MID1: variants seen among roughly 807,000 people sequenced by gnomAD.
The protein encoded by MID1 is midline 1.
MID1 carries 7 observed loss-of-function variants against 40.4 expected under a neutral mutation model. The ratio of observed to expected loss-of-function variants is 0.17; its 90% CI spans 0.10 to 0.33. The LOEUF (loss-of-function observed/expected upper bound fraction) is 0.33, where lower values mean the gene tolerates loss of function less well. Ranked by LOEUF, MID1 falls within the 10% of genes least tolerant of loss-of-function variation. The pLI, the probability that MID1 is intolerant of heterozygous loss-of-function variation, is 1.00. For synonymous variants in MID1, 229 were observed against 221.2 expected (o/e 1.04, Z -0.31); for missense variants, 367 against 558.5 (o/e 0.66, Z 3.46).
At chrX:10,825,220 C>T (rs780134741) in intron 1 of MID1, among the ~76,000 whole-genome samples, 17 of 111,751 alleles carry the variant, frequency 1.5e-4, no homozygotes, top group Non-Finnish European at 2.4e-4. Flanking sequence ...TTGGTAATGA[C>T]TTAGATCCTA....
intron 1 of MID1, among the ~76,000 whole-genome samples, chrX:10,790,836 A>C (rs1227109360): frequency 8.9e-6 from 1 of 112,157 alleles, no homozygotes; most frequent in Admixed American, 9.5e-5. Flanking sequence ...ATTCTTCCAC[A>C]ACACCAAATC....
At position 10,446,398 on chromosome X, in the gene MID1, G is replaced by C. The variant is rs1214132996; in HGVS notation, c.*2970C>G. The C allele has an allele frequency of 8.9e-6, 1 of 111,821 alleles. No homozygotes were observed. The highest frequency in any genetic ancestry group is 3.3e-5 in the African/African-American group (1 of 30,741). 9.2% of individuals were successfully genotyped at this position (111,821 alleles called of 1,213,427 possible). A position where few individuals can be genotyped will look rare whatever the true frequency, so the allele number is the denominator to read the frequency against. The stretch of plus-strand genomic sequence containing the variant: ...AGTTTAAGGTCAATATATCAGTACC[G>C]TAATAAAAAAGCCTGTCTGTATTCA... On this transcript the variant is annotated 3_prime_UTR_variant, in exon 10 of 10. Transcript: ENST00000317552.
At chrX:10,533,905 C>T (rs771967068) in intron 2 of MID1, among the ~76,000 whole-genome samples, 1 of 111,509 alleles carries the variant, frequency 9.0e-6, no homozygotes, top group East Asian at 2.8e-4. Flanking sequence ...TTAGTTCCTA[C>T]CACTCTGCAA....
At chrX:10,573,583 T>A (rs772594362) in intron 1 of MID1, among the ~76,000 whole-genome samples, 36 of 111,633 alleles carry the variant, frequency 3.2e-4, no homozygotes, top group Admixed American at 9.5e-4. Flanking sequence ...TCAACATGAG[T>A]TTTGGTGGGG....
At chrX:10,577,007 C>G (rs999037942) in intron 1 of MID1, 1 of 111,324 alleles carries the variant, frequency 9.0e-6, no homozygotes, top group Non-Finnish European at 1.9e-5. Context: ...CAGGGTTGCC[C>G]GAGTTGAAGA....
intron 2 of MID1, among the ~76,000 whole-genome samples, chrX:10,545,164 G>A (rs1032166129): frequency 9.0e-6 from 1 of 111,138 alleles, no homozygotes; most frequent in African/African-American, 3.3e-5. Context: ...GTTTCCCCAC[G>A]TTGACCAGGC....
chrX:10,754,480 C>T (rs1315953578), intron 1 of MID1, among the ~76,000 whole-genome samples: 2 of 110,409 alleles, frequency 1.8e-5, no homozygotes, highest in Non-Finnish European at 3.8e-5. Context: ...TTGTAAATAA[C>T]CTTAACATAA....
intron 1 of MID1, among the ~76,000 whole-genome samples, chrX:10,716,422 T>C (rs143802461): frequency 0.019 from 2,158 of 111,651 alleles, 50 homozygotes; most frequent in African/African-American, 0.067. Flanking sequence ...GCTGATTTGA[T>C]CAACTGGAAG....
intron 1 of MID1, among the ~76,000 whole-genome samples, chrX:10,673,258 T>C (rs1226019538): frequency 9.0e-6 from 1 of 111,497 alleles, no homozygotes. Flanking sequence ...GCTCACCTGC[T>C]GGGGGCAGAA....
chrX:10,585,117 T>A (rs894380113), intron 1 of MID1, among the ~76,000 whole-genome samples: 1 of 111,598 alleles, frequency 9.0e-6, no homozygotes, highest in African/African-American at 3.3e-5. Context: ...GAATTTTAAC[T>A]ACCAGGCTTG....
chrX:10,631,238 C>A (rs1267574671), intron 1 of MID1, among the ~76,000 whole-genome samples: 1 of 111,593 alleles, frequency 9.0e-6, no homozygotes, highest in African/African-American at 3.3e-5. Flanking sequence ...TGCTTAATAT[C>A]CCTCAAAGTT....
At chrX:10,548,118 T>C (rs1029969840) in intron 2 of MID1, among the ~76,000 whole-genome samples, 1 of 112,010 alleles carries the variant, frequency 8.9e-6, no homozygotes, top group African/African-American at 3.2e-5. Context: ...ATTATGCATA[T>C]TTTAATTAGT....
At chrX:10,629,533 G>T (rs112383248) in intron 1 of MID1, among the ~76,000 whole-genome samples, 3 of 111,737 alleles carry the variant, frequency 2.7e-5, no homozygotes, top group African/African-American at 9.7e-5. Flanking sequence ...ACCTTAAATG[G>T]CTCTCCAAAT....
chrX:10,486,211 C>T (rs995426399), intron 4 of MID1, among the ~76,000 whole-genome samples: 1 of 112,001 alleles, frequency 8.9e-6, no homozygotes, highest in African/African-American at 3.2e-5. Flanking sequence ...TTGGTGACCT[C>T]GTCAATTGCA....
At chrX:10,613,730 TATAGAGAG>T (rs1336257050) in intron 1 of MID1, among the ~76,000 whole-genome samples, 35 of 30,662 alleles carry the variant, frequency 1.1e-3, no homozygotes, top group African/African-American at 2.0e-3. Context: ...TATATATATA[TATAGAGAG>T]AGAGAGAGAG....
chrX:10,680,923 G>A (rs1466402997), intron 1 of MID1, among the ~76,000 whole-genome samples: 1 of 108,032 alleles, frequency 9.3e-6, no homozygotes. Context: ...GTATTCAGCA[G>A]GCTGAGGTGG....
chrX:10,653,091 C>A (rs1936333894), intron 1 of MID1, among the ~76,000 whole-genome samples: 1 of 111,888 alleles, frequency 8.9e-6, no homozygotes, highest in Non-Finnish European at 1.9e-5. Context: ...TCCAGAATAG[C>A]ACTAGATGTG....
chrX:10,716,862 A>G (rs2043307683), intron 1 of MID1, among the ~76,000 whole-genome samples: 1 of 112,126 alleles, frequency 8.9e-6, no homozygotes, highest in Admixed American at 9.5e-5. Context: ...GAAACTCTAC[A>G]AGCCAGAAGA....
chrX:10,729,160 C>T (rs1029179856), intron 1 of MID1, among the ~76,000 whole-genome samples: 2 of 111,977 alleles, frequency 1.8e-5, no homozygotes, highest in Non-Finnish European at 3.8e-5. Context: ...TTCCTGACTG[C>T]TCTCCTGTGT....
Sources: allele counts gnomAD v4.1 joint callset (sites outside exome capture counted in the v4.1 genomes callset), GRCh38; gene constraint gnomAD v4.1.1; transcripts MANE v1.5; gene names NCBI Gene and HGNC (gene_info 2026-07-23, HGNC 2026-07-21).